Variants in SFT2D2 observed in about 807,000 individuals in gnomAD.
The protein encoded by SFT2D2 is SFT2 domain containing 2, also known as vesicle transport protein SFT2B.
A neutral mutation model predicts 27.4 loss-of-function variants in SFT2D2; 21 were observed. The observed-to-expected ratio is 0.77, with a 90% CI of 0.54 to 1.10. The LOEUF (loss-of-function observed/expected upper bound fraction) is 1.10. SFT2D2 is among the 50% of genes least tolerant of loss of function. The pLI, the probability that SFT2D2 is intolerant of heterozygous loss-of-function variation, is 0.00. For synonymous variants in SFT2D2, 72 were observed against 71.7 expected (o/e 1.00, Z -0.02); for missense variants, 187 against 194.2 (o/e 0.96, Z 0.22).
intron 3 of SFT2D2, among the ~76,000 whole-genome samples, chr1:168,234,272 T>C (rs1031346832): frequency 6.6e-6 from 1 of 152,012 alleles, no homozygotes; most frequent in African/African-American, 2.4e-5. Flanking sequence ...CGTGTGCCTG[T>C]AGTCCCAGCT....
chr1:168,244,735 G>T lies in SFT2D2; in HGVS notation c.*2195G>T, dbSNP rs1273776896. 1 of 152,134 alleles carries T rather than the reference G, an allele frequency of 6.6e-6. No homozygotes were observed. Among genetic ancestry groups the T allele is most frequent in the Admixed American group, 6.6e-5 (1 of 15,258 alleles). 9.4% of individuals were successfully genotyped at this position (152,134 alleles called of 1,614,324 possible). On this transcript the variant is annotated 3_prime_UTR_variant, in exon 8 of 8. Coordinates refer to ENST00000271375, the MANE Select transcript of SFT2D2 (RefSeq NM_199344.3). The stretch of plus-strand genomic sequence containing the variant: ...GAAGGGACATGGAGGAGGTCAGGAG[G>T]GCTCATGGTTCCTTTTCTTTAGAAC...
chr1:168,238,358 G>A lies in SFT2D2; in HGVS notation c.414-773G>A, dbSNP rs376155570. On this transcript the variant is annotated intron_variant, in intron 6 of 7. Coordinates refer to ENST00000271375, the MANE Select transcript of SFT2D2 (RefSeq NM_199344.3). Reference sequence around the variant, plus strand: ...AAATTCTGTTTAGAATTTATAAAATGTTAGGAGTTCAACTGTGCCAGGTAT... The same window carrying A: ...AAATTCTGTTTAGAATTTATAAAATATTAGGAGTTCAACTGTGCCAGGTAT... Among the ~76,000 whole-genome samples the A allele has an allele frequency of 9.7e-4, 148 of 152,154 alleles. 2 individuals are homozygous for A. Among genetic ancestry groups the A allele is most frequent in the African/African-American group, 3.5e-3 (145 of 41,508 alleles).
At chr1:168,231,692 C>A in intron 2 of SFT2D2, 92 bp downstream of exon 2, 1 of 1,458,600 alleles carries the variant, frequency 6.9e-7, no homozygotes, top group Non-Finnish European at 9.6e-7. Flanking sequence ...TTTTGCCCTT[C>A]ACTAAAATGC....
intron 6 of SFT2D2, 132 bp from the exon 7 acceptor site, chr1:168,238,998 TC>T (rs1254374170): frequency 5.6e-6 from 4 of 714,812 alleles, no homozygotes; most frequent in African/African-American, 5.3e-5. Context: ...CACATGCTCA[TC>T]CCCCAGGCTG....
rs1357457964 is a variant in SFT2D2 at position 168,239,146 on chromosome 1, C to T, written c.429C>T (p.Phe143=). The change falls in exon 7 of 8, where the codon TTC becomes TTT. Residue 143 remains phenylalanine, a synonymous_variant. Transcript: ENST00000271375. ...SLALTWYSLS[F]IPFARDAVKK... is the part of the protein sequence containing the mutation. ...TTCATTATAGGTACAGCCTTTCCTTCATACCATTTGCAAGGTAAGACTGTG... is the reference window on the plus strand; with the variant it reads ...TTCATTATAGGTACAGCCTTTCCTTTATACCATTTGCAAGGTAAGACTGTG... 5 of 1,607,418 alleles carry T rather than the reference C, an allele frequency of 3.1e-6. No homozygotes were observed. In the African/African-American group the frequency reaches 6.7e-5, roughly 21 times the overall value.
At position 168,247,453 on chromosome 1, in the gene SFT2D2, G is replaced by A. The variant is rs944123536; in HGVS notation, c.*4913G>A. On this transcript the variant is annotated 3_prime_UTR_variant, in exon 8 of 8. Coordinates refer to ENST00000271375, the MANE Select transcript of SFT2D2 (RefSeq NM_199344.3). ...TTTTCTGTTCTTGTGTTAGTTTGCT[G>A]AGAATGATGGTTTCCAGCTTCATCC... 4 of 159,586 alleles carry A rather than the reference G, an allele frequency of 2.5e-5. No individual in the cohort carries two copies. Among genetic ancestry groups the A allele is most frequent in the Admixed American group, 1.9e-4 (3 of 16,144 alleles). 9.9% of individuals were successfully genotyped at this position (159,586 alleles called of 1,614,324 possible). A position where few individuals can be genotyped will look rare whatever the true frequency, so the allele number is the denominator to read the frequency against.
intron 7 of SFT2D2, among the ~76,000 whole-genome samples, chr1:168,240,783 G>A (rs1647624485): frequency 6.6e-6 from 1 of 152,062 alleles, no homozygotes; most frequent in Admixed American, 6.6e-5. Flanking sequence ...GTGGTGGCGT[G>A]CACCTGTAAT....
rs1055723259 is a variant in SFT2D2, at chr1:168,243,696, C to T, written c.*1156C>T. 2 of 152,396 alleles carry T rather than the reference C, an allele frequency of 1.3e-5. No homozygotes were observed. Among genetic ancestry groups the T allele is most frequent in the South Asian group, 2.1e-4 (1 of 4,826 alleles). 9.4% of individuals were successfully genotyped at this position (152,396 alleles called of 1,614,324 possible). ...ACTGTGCAGTCAAGGGAATCAAGGC[C>T]CACACTGGTTTTTGGATCCACCCAA... On this transcript the variant is annotated 3_prime_UTR_variant, in exon 8 of 8. Transcript: ENST00000271375.
intron 1 of SFT2D2, among the ~76,000 whole-genome samples, chr1:168,229,288 C>G (rs1193509523): frequency 6.6e-6 from 1 of 152,176 alleles, no homozygotes; most frequent in Non-Finnish European, 1.5e-5. Flanking sequence ...GGCTCGATCT[C>G]GGCTCACTGC....
In SFT2D2 at chr1:168,252,520, T is replaced by G. The variant is rs569589263; in HGVS notation, c.*9980T>G. ...AGGGAGAGCTATGGTTTACATTCAA[T>G]TTTTTGGTCTTTCTGCTATGAAACG... On this transcript the variant is annotated 3_prime_UTR_variant, in exon 8 of 8. Transcript: ENST00000271375. 6.6e-6 allele frequency: 1 copy of G among 152,328 alleles called. No homozygotes were observed. The highest frequency in any genetic ancestry group is 1.9e-4 in the East Asian group (1 of 5,186). 9.4% of individuals were successfully genotyped at this position (152,328 alleles called of 1,614,324 possible). A position where few individuals can be genotyped will look rare whatever the true frequency, so the allele number is the denominator to read the frequency against.
intron 3 of SFT2D2, among the ~76,000 whole-genome samples, 165 bp from the exon 4 acceptor site, chr1:168,234,936 T>C (rs1015361920): frequency 6.6e-6 from 1 of 152,236 alleles, no homozygotes; most frequent in African/African-American, 2.4e-5. Flanking sequence ...GGTTGGTTGT[T>C]GATGGATTAA....
At position 168,242,368 on chromosome 1, in the gene SFT2D2, AGTTT is replaced by A; in HGVS notation, c.444-131_444-128del. The A allele has an allele frequency of 4.4e-6, 4 of 900,452 alleles. No individual in the cohort carries two copies. In the East Asian group the frequency reaches 9.7e-5, roughly 22 times the overall value. The allele number at this position is 900,452 out of a possible 1,614,324, so 55.8% of individuals were successfully genotyped here. ...TACTACTAATAAATGTTGAAGCTGCAGTTTGATGCTGTGAAGGTCTGATCTTTCA... is the reference window on the plus strand; with the variant it reads ...TACTACTAATAAATGTTGAAGCTGCAGATGCTGTGAAGGTCTGATCTTTCA... On this transcript the variant is annotated intron_variant, in intron 7 of 7. Transcript: ENST00000271375.
rs1647911676 is a variant in SFT2D2, at chr1:168,249,889, G to A, written c.*7349G>A. The A allele has an allele frequency of 6.6e-6, 1 of 152,186 alleles. No homozygotes were observed. Among genetic ancestry groups the A allele is most frequent in the Non-Finnish European group, 1.5e-5 (1 of 68,036 alleles). The allele number at this position is 152,186 out of a possible 1,614,324, so 9.4% of individuals were successfully genotyped here. A position where few individuals can be genotyped will look rare whatever the true frequency, so the allele number is the denominator to read the frequency against. ...AATAACTGACAACTTTGGAAGATGAGAGTGAATGTCTCCGATCATTAATTT... is the reference window on the plus strand; with the variant it reads ...AATAACTGACAACTTTGGAAGATGAAAGTGAATGTCTCCGATCATTAATTT... On this transcript the variant is annotated 3_prime_UTR_variant, in exon 8 of 8. Transcript: ENST00000271375.
rs1465484976 is a variant in SFT2D2, at chr1:168,246,795, C to T, written c.*4255C>T. On this transcript the variant is annotated 3_prime_UTR_variant, in exon 8 of 8. Coordinates refer to ENST00000271375, the MANE Select transcript of SFT2D2 (RefSeq NM_199344.3). ...CTCATCTGTCAGAGCAGTAAGCTGT[C>T]CACTATAATGGGCTATCGTTTTTGT... 2.9e-6 allele frequency: 2 copies of T among 687,032 alleles called. No individual in the cohort carries two copies. Among genetic ancestry groups the T allele is most frequent in the Admixed American group, 4.3e-5 (2 of 46,674 alleles). 42.6% of individuals were successfully genotyped at this position (687,032 alleles called of 1,614,324 possible).
intron 7 of SFT2D2, among the ~76,000 whole-genome samples, chr1:168,240,318 G>A (rs1488882647): frequency 2.0e-5 from 3 of 152,204 alleles, no homozygotes; most frequent in East Asian, 1.9e-4. Flanking sequence ...GATTGGATGC[G>A]AAGTTAAGCC....
At position 168,244,412 on chromosome 1, in the gene SFT2D2, C is replaced by T. The variant is rs942767760; in HGVS notation, c.*1872C>T. The T allele has an allele frequency of 1.3e-5, 2 of 152,296 alleles. No individual in the cohort carries two copies. The highest frequency in any genetic ancestry group is 2.9e-5 in the Non-Finnish European group (2 of 68,216). The allele number at this position is 152,296 out of a possible 1,614,324, so 9.4% of individuals were successfully genotyped here. ...CAAGCTGGTCTGGAACTCCTGACCT[C>T]AGGTAATCCGCCCACCTTGACCTCC... On this transcript the variant is annotated 3_prime_UTR_variant, in exon 8 of 8. Coordinates refer to ENST00000271375, the MANE Select transcript of SFT2D2 (RefSeq NM_199344.3).
In SFT2D2 at chr1:168,236,723, G is replaced by A; in HGVS notation, c.366G>A (p.Lys122=). 1 of 1,614,162 alleles carries A rather than the reference G, an allele frequency of 6.2e-7. No homozygotes were observed. The highest frequency in any genetic ancestry group is 1.1e-5 in the South Asian group (1 of 91,076). ...TATTATTTTTCCAGTGGCATAACAA[G>A]GGACTTGCACTTATCTTCTGCATTT... ...TLCSAFWWHN[K]GLALIFCILQ... The change falls in exon 6 of 8, where the codon AAG becomes AAA. Residue 122 remains lysine, a synonymous_variant. Transcript: ENST00000271375.
intron 4 of SFT2D2, among the ~76,000 whole-genome samples, chr1:168,235,431 T>C (rs1647468753): frequency 6.6e-6 from 1 of 152,204 alleles, no homozygotes; most frequent in Non-Finnish European, 1.5e-5. Flanking sequence ...AGGGCATTGC[T>C]TGTCAGATGA....
At chr1:168,240,655 T>A (rs1167355320) in intron 7 of SFT2D2, among the ~76,000 whole-genome samples, 1 of 152,214 alleles carries the variant, frequency 6.6e-6, no homozygotes, top group Non-Finnish European at 1.5e-5. Context: ...TAGCTCAGCC[T>A]ATAATCCCAG....
Sources: gnomAD v4.1 joint callset for allele counts (sites outside exome capture counted in the v4.1 genomes callset) on GRCh38, gnomAD v4.1.1 for gene constraint, MANE v1.5 for transcripts, NCBI Gene and HGNC (gene_info 2026-07-23, HGNC 2026-07-21) for gene names.